FAXDC2: variants seen among roughly 807,000 people sequenced by gnomAD.
The protein encoded by FAXDC2 is fatty acid hydroxylase domain containing 2, also known as fatty acid hydroxylase domain-containing protein 2.
A neutral mutation model predicts 40.9 loss-of-function variants in FAXDC2; 41 were observed. The observed-to-expected ratio is 1.00, with a 90% confidence interval of 0.78 to 1.30. FAXDC2 has a LOEUF of 1.30. Ranked by LOEUF, FAXDC2 falls within the 50% of genes most tolerant of loss-of-function variation. The pLI is 0.00. For missense variants in FAXDC2, 390 were observed against 408.8 expected (o/e 0.95, Z 0.40); for synonymous variants, 157 against 149.3 (o/e 1.05, Z -0.38).
chr5:154,823,470 A>G lies in FAXDC2; in HGVS notation c.489T>C (p.Arg163=). Residue 163 remains arginine, a synonymous_variant, in exon 6 of 9, where the codon CGT becomes CGC. Coordinates refer to ENST00000326080, the MANE Select transcript of FAXDC2 (RefSeq NM_032385.5). ...GGAACCAGTGGAAGGTGGGTAGCTC[A>G]CGGCGGCAGGGGTCTCTCCACCATT... The part of the protein sequence containing the change: ...FLKWWRDPCR[R]ELPTFHWFLL... 6.2e-7 allele frequency: 1 copy of G among 1,613,850 alleles called. No individual in the cohort carries two copies. The highest frequency in any genetic ancestry group is 1.1e-5 in the South Asian group (1 of 91,078).
chr5:154,846,847 C>T lies in FAXDC2; in HGVS notation c.-1+3636G>A, dbSNP rs150540696. Among the ~76,000 whole-genome samples the T allele has an allele frequency of 2.5e-3, 387 of 152,192 alleles. 3 individuals carry two copies. Among genetic ancestry groups the T allele is most frequent in the African/African-American group, 8.7e-3 (360 of 41,528 alleles). On this transcript the variant is annotated intron_variant, in intron 1 of 8. Transcript: ENST00000326080. Reference sequence around the variant, plus strand: ...ACCCAATCATGATTCACTGCAGCCTCGACTTCCTGGGGTCAGGTGATCCTC... The same window carrying T: ...ACCCAATCATGATTCACTGCAGCCTTGACTTCCTGGGGTCAGGTGATCCTC...
chr5:154,839,940 A>G (rs369283224), intron 1 of FAXDC2, among the ~76,000 whole-genome samples: 1 of 152,114 alleles, frequency 6.6e-6, no homozygotes, highest in Admixed American at 6.6e-5. Flanking sequence ...ATGTTATCCC[A>G]CTGGCCATCC....
intron 1 of FAXDC2, among the ~76,000 whole-genome samples, chr5:154,844,131 T>C (rs1266756243): frequency 2.6e-5 from 4 of 151,526 alleles, no homozygotes; most frequent in African/African-American, 7.3e-5. Context: ...GACAGGAAAA[T>C]TGCTTGAACC....
Position 154,823,426 on chromosome 5 carries a change from A to G in FAXDC2, c.533T>C (p.Phe178Ser). 6.2e-7 allele frequency: 1 copy of G among 1,614,022 alleles called. No homozygotes were observed. The change falls in exon 6 of 9, where the codon TTC (phenylalanine) becomes TCC (serine). Residue 178 changes from phenylalanine to serine, a missense_variant. Coordinates refer to ENST00000326080, the MANE Select transcript of FAXDC2 (RefSeq NM_032385.5). Reference sequence around the variant, plus strand: ...GAACAAGACTTCCTCGATCAGCGTGAAGATGGCCAGCTCCAGGAGGAACCA... The same window carrying G: ...GAACAAGACTTCCTCGATCAGCGTGGAGATGGCCAGCTCCAGGAGGAACCA... ...FHWFLLELAI[F>S]TLIEEVLFYY...
In FAXDC2 at chr5:154,845,124, C is replaced by A. The variant is rs751995567; in HGVS notation, c.-1+5359G>T. Among the ~76,000 whole-genome samples, 15 of 152,290 alleles carry A rather than the reference C, an allele frequency of 9.8e-5. No homozygotes were observed. In the Middle Eastern group the frequency reaches 0.01, roughly 104 times the overall value. ...ATATGCAATTTCCAGAGATACTTAT[C>A]TAGGTACTGAGTCCTCCAATTGTAT... On this transcript the variant is annotated intron_variant, in intron 1 of 8. Coordinates refer to ENST00000326080, the MANE Select transcript of FAXDC2 (RefSeq NM_032385.5).
intron 2 of FAXDC2, among the ~76,000 whole-genome samples, chr5:154,837,879 G>T (rs1760389781): frequency 6.6e-6 from 1 of 152,212 alleles, no homozygotes; most frequent in African/African-American, 2.4e-5. Flanking sequence ...GCCAAGAGGA[G>T]AAGGGAGGAC....
chr5:154,820,349 C>T lies in FAXDC2; in HGVS notation c.969G>A (p.Glu323=), dbSNP rs747398703. The change falls in exon 9 of 9, where the codon GAG becomes GAA. Residue 323 remains glutamate (E), a synonymous_variant. Coordinates refer to ENST00000326080, the MANE Select transcript of FAXDC2 (RefSeq NM_032385.5). ...TCCTCTTTGGGGAGTCTGGGATGCT[C>T]TCAGAGAGCGGGGTGAAGCCCAGCA... The part of the protein sequence containing the change: ...VLLLGFTPLS[E]SIPDSPKRME 2 of 1,612,880 alleles carry T rather than the reference C, an allele frequency of 1.2e-6. No homozygotes were observed. Among genetic ancestry groups the T allele is most frequent in the African/African-American group, 1.3e-5 (1 of 74,832 alleles).
intron 1 of FAXDC2, among the ~76,000 whole-genome samples, chr5:154,840,623 G>A (rs1180285116): frequency 6.6e-6 from 1 of 151,992 alleles, no homozygotes; most frequent in African/African-American, 2.4e-5. Context: ...CTGCCTCCCA[G>A]GCTCAAGCCT....
intron 5 of FAXDC2, chr5:154,824,693 G>T: frequency 1.6e-6 from 1 of 606,654 alleles, no homozygotes; most frequent in Non-Finnish European, 3.0e-6. Context: ...AGCACTCAGT[G>T]TACTGGGTGT....
chr5:154,840,759 C>G (rs1760457845), intron 1 of FAXDC2, among the ~76,000 whole-genome samples: 1 of 152,158 alleles, frequency 6.6e-6, no homozygotes, highest in African/African-American at 2.4e-5. Context: ...CTACATTGCC[C>G]AGGCTGATCT....
intron 1 of FAXDC2, among the ~76,000 whole-genome samples, chr5:154,847,487 CTTTTTTTT>C (rs557543082): frequency 7.6e-6 from 1 of 132,316 alleles, no homozygotes. Context: ...TTCTTTCTTT[CTTTTTTTT>C]TTTTTTTTTG....
At chr5:154,821,527 G>T in intron 7 of FAXDC2, 101 bp from the exon 8 acceptor site, 2 of 858,714 alleles carry the variant, frequency 2.3e-6, no homozygotes, top group Non-Finnish European at 3.5e-6. Flanking sequence ...AAACTTCCTT[G>T]ACCCAGATCT....
At chr5:154,833,375 G>A (rs1315496721) in intron 4 of FAXDC2, among the ~76,000 whole-genome samples, 12 of 135,904 alleles carry the variant, frequency 8.8e-5, no homozygotes, top group East Asian at 2.2e-4. Flanking sequence ...AGACAGAGTC[G>A]TGCCCTATTG....
At chr5:154,826,687 CA>C in intron 5 of FAXDC2, among the ~76,000 whole-genome samples, 1 of 151,926 alleles carries the variant, frequency 6.6e-6, no homozygotes, top group Non-Finnish European at 1.5e-5. Context: ...GTGAACTTAC[CA>C]AAAGAAATGT....
intron 1 of FAXDC2, among the ~76,000 whole-genome samples, chr5:154,844,058 A>G (rs934306636): frequency 5.9e-5 from 9 of 152,242 alleles, no homozygotes; most frequent in Middle Eastern, 3.4e-3. Context: ...ACCTCTACTA[A>G]AAATACAAAA....
intron 6 of FAXDC2, 79 bp downstream of exon 6, chr5:154,823,308 C>T: frequency 5.2e-6 from 7 of 1,355,722 alleles, no homozygotes; most frequent in Non-Finnish European, 7.3e-6. Context: ...GTCACTGCAC[C>T]TGGCCTCAGT....
intron 5 of FAXDC2, among the ~76,000 whole-genome samples, chr5:154,826,543 AAAAG>A (rs1350985709): frequency 4.6e-5 from 7 of 151,360 alleles, no homozygotes; most frequent in Non-Finnish European, 1.0e-4. Flanking sequence ...AAAAAAAAAA[AAAAG>A]AAAAGAAAAT....
chr5:154,839,378 C>G (rs957921246), intron 1 of FAXDC2, among the ~76,000 whole-genome samples: 4 of 151,440 alleles, frequency 2.6e-5, no homozygotes, highest in Non-Finnish European at 5.9e-5. Flanking sequence ...TGCAGTTGCC[C>G]ACACCTGTAG....
rs1759854893 is a variant in FAXDC2, at chr5:154,820,434, TGG to T, written c.882_883del (p.Asp294GlufsTer6). ...GAACATGGTGTCAGTCCCATGGAGG[TGG>T]TCCAGCACACCCAGCACCCCATAGC... On this transcript the variant is annotated frameshift_variant, in exon 9 of 9. Coordinates refer to ENST00000326080, the MANE Select transcript of FAXDC2 (RefSeq NM_032385.5). LOFTEE classifies it high-confidence loss of function. The T allele has an allele frequency of 1.9e-6, 3 of 1,612,926 alleles. No individual in the cohort carries two copies. Among genetic ancestry groups the T allele is most frequent in the Non-Finnish European group, 2.5e-6 (3 of 1,179,730 alleles).
Sources: gnomAD v4.1 joint callset for allele counts (sites outside exome capture counted in the v4.1 genomes callset) on GRCh38, gnomAD v4.1.1 for gene constraint, MANE v1.5 for transcripts, NCBI Gene and HGNC (gene_info 2026-07-23, HGNC 2026-07-21) for gene names.